ZNF202: variants seen among roughly 807,000 people sequenced by gnomAD.
The protein encoded by ZNF202 is zinc finger protein 202.
In ZNF202, 22 loss-of-function variants were observed where a neutral mutation model predicts 54.5. The observed-to-expected ratio is 0.40, with a 90% confidence interval of 0.29 to 0.58. The LOEUF is 0.58. ZNF202 is among the 20% of genes least tolerant of loss of function. The pLI, the probability that ZNF202 is intolerant of heterozygous loss-of-function variation, is 0.39. For missense variants in ZNF202, 644 were observed against 805.5 expected (o/e 0.80, Z 2.43); for synonymous variants, 294 against 301.4 (o/e 0.98, Z 0.26).
At chr11:123,736,808 T>A (rs1252863476) in intron 3 of ZNF202, among the ~76,000 whole-genome samples, 2 of 152,194 alleles carry the variant, frequency 1.3e-5, no homozygotes, top group East Asian at 3.9e-4. Flanking sequence ...CATGTGGTTG[T>A]TTTAAGGAGT....
At chr11:123,729,038 G>GT in intron 6 of ZNF202, 88 bp downstream of exon 6, 2 of 1,332,116 alleles carry the variant, frequency 1.5e-6, no homozygotes, top group South Asian at 2.5e-5. Context: ...GAGTGTAAAT[G>GT]TGCATCCTGC....
intron 8 of ZNF202, 62 bp from the exon 9 acceptor site, chr11:123,727,053 T>C: frequency 6.5e-7 from 1 of 1,530,558 alleles, no homozygotes; most frequent in East Asian, 2.3e-5. Flanking sequence ...TTCTACACAA[T>C]GGGGAGATTT....
chr11:123,727,136 T>C (rs558953132), intron 8 of ZNF202, 145 bp from the exon 9 acceptor site: 2 of 1,081,284 alleles, frequency 1.8e-6, no homozygotes, highest in African/African-American at 1.6e-5. Context: ...CATATTGTTA[T>C]GCTATCAACA....
Position 123,729,726 on chromosome 11 carries a change from T to C in ZNF202, c.502A>G (p.Ser168Gly), listed in dbSNP as rs201737925. The C allele has an allele frequency of 2.5e-6, 4 of 1,614,030 alleles. No individual in the cohort carries two copies. Residue 168 changes from serine (S) to glycine (G), a missense_variant, in exon 5 of 9, where the codon AGC (serine) becomes GGC (glycine). Physicochemically the swap from Ser to Gly is moderately conservative, Grantham distance 56. Transcript: ENST00000530393. ...SPNELQDPVQ[S>G]STPEQSPEET... ...TCAGGAGACTGCTCGGGGGTCGAGC[T>C]TTGCACAGGATCCTGCAGCTCATTA...
chr11:123,731,000 A>G lies in ZNF202; in HGVS notation c.-97-15T>C. 1 of 1,274,836 alleles carries G rather than the reference A, an allele frequency of 7.8e-7. No homozygotes were observed. The highest frequency in any genetic ancestry group is 1.1e-6 in the Non-Finnish European group (1 of 928,262). 79.0% of individuals were successfully genotyped at this position (1,274,836 alleles called of 1,614,324 possible). On this transcript the variant is annotated splice_polypyrimidine_tract_variant and intron_variant, in intron 3 of 8. Coordinates refer to ENST00000530393, the MANE Select transcript of ZNF202 (RefSeq NM_003455.4). The surrounding 1 kb of genome is among the most constrained non-coding windows in gnomAD (Gnocchi z 6.0). ...TTCCAAGGGCCCTGGATAGAGAAGT[A>G]AAGACAAACAAGAGTATAAGCATGA...
chr11:123,730,608 A>T lies in ZNF202; in HGVS notation c.281T>A (p.Phe94Tyr). 6.2e-7 allele frequency: 1 copy of T among 1,612,586 alleles called. No individual in the cohort carries two copies. Among genetic ancestry groups the T allele is most frequent in the Non-Finnish European group, 8.5e-7 (1 of 1,179,156 alleles). Reference protein sequence around the residue: ...QILELLVLEQFLTVLPGELQS... With the variant: ...QILELLVLEQYLTVLPGELQS... ...TAGTTCTCCAGGTAGGACGGTAAGA[A>T]ATTGTTCCAGCACAAGCAGCTCTAG... The change falls in exon 4 of 9, where the codon TTT becomes TAT. Residue 94 changes from phenylalanine to tyrosine, a missense_variant. Phe to Tyr is a conservative substitution (Grantham distance 22). Coordinates refer to ENST00000530393, the MANE Select transcript of ZNF202 (RefSeq NM_003455.4). The surrounding 1 kb of genome is among the most constrained non-coding windows in gnomAD (Gnocchi z 6.0).
In ZNF202 at chr11:123,728,184, A is replaced by G. The variant is rs1861238764; in HGVS notation, c.781T>C (p.Phe261Leu). ...TCTTCCAAGACATATTCTCCATAGA[A>G]CTCTTTCTGTGTTGGGTCCAGATCA... ...WSDLDPTQKEFYGEYVLEEDC... is the reference protein window; with the variant it reads ...WSDLDPTQKELYGEYVLEEDC... Residue 261 changes from phenylalanine (F) to leucine (L), a missense_variant, in exon 7 of 9, where the codon TTC becomes CTC. By Grantham distance (22) the Phe-to-Leu change is conservative. This residue lies in a region of ZNF202 where 536 missense variants were observed against 635.3 expected (regional missense o/e 0.84). Coordinates refer to ENST00000530393, the MANE Select transcript of ZNF202 (RefSeq NM_003455.4). 1 of 1,612,706 alleles carries G rather than the reference A, an allele frequency of 6.2e-7. No homozygotes were observed. Among genetic ancestry groups the G allele is most frequent in the Non-Finnish European group, 8.5e-7 (1 of 1,179,306 alleles).
intron 3 of ZNF202, among the ~76,000 whole-genome samples, 154 bp from the exon 4 acceptor site, chr11:123,731,139 T>A (rs1297881700): frequency 6.6e-6 from 1 of 152,224 alleles, no homozygotes; most frequent in Non-Finnish European, 1.5e-5. Flanking sequence ...ACAGATCCAG[T>A]TGGGAGAGGA....
intron 8 of ZNF202, 65 bp from the exon 9 acceptor site, chr11:123,727,056 G>A: frequency 6.5e-7 from 1 of 1,528,214 alleles, no homozygotes; most frequent in Non-Finnish European, 8.8e-7. Context: ...TACACAATGG[G>A]GAGATTTTTA....
chr11:123,730,492 G>A lies in ZNF202; in HGVS notation c.397C>T (p.Arg133Trp), dbSNP rs369977165. The change falls in exon 4 of 9, where the codon CGG becomes TGG. Residue 133 changes from arginine (R) to tryptophan (W), a missense_variant. Arg to Trp is a moderately radical substitution (Grantham distance 101, BLOSUM62 -3). Around this residue, in one of 3 missense-constraint regions of ZNF202, gnomAD observed 62 missense variants for 122.8 expected, o/e 0.50. Transcript: ENST00000530393. The surrounding 1 kb of genome is among the most constrained non-coding windows in gnomAD (Gnocchi z 6.0). ...GLQKQPRRPR[R>W]WVTVHVHGQE... ...TCAGGACTCCCCCTCCTCACCCACC[G>A]CCTTGGTCTCCTGGGTTGTTTCTGC... The A allele has an allele frequency of 2.0e-6, 3 of 1,521,990 alleles. No individual in the cohort carries two copies. Among genetic ancestry groups the A allele is most frequent in the African/African-American group, 1.4e-5 (1 of 71,876 alleles). The allele number at this position is 1,521,990 out of a possible 1,614,324, so 94.3% of individuals were successfully genotyped here. A position where few individuals can be genotyped will look rare whatever the true frequency, so the allele number is the denominator to read the frequency against.
At position 123,736,621 on chromosome 11, in the gene ZNF202, T is replaced by A. The variant is rs767417484; in HGVS notation, c.-98+3496A>T. ...TCCTTCTAATGGACATATTCTTTTATTCTTGATTGTCCTATATACAAGCGC... is the reference window on the plus strand; with the variant it reads ...TCCTTCTAATGGACATATTCTTTTAATCTTGATTGTCCTATATACAAGCGC... On this transcript the variant is annotated intron_variant, in intron 3 of 8. Transcript: ENST00000530393. 3.3e-5 allele frequency among the ~76,000 whole-genome samples: 5 copies of A among 152,218 alleles called. No homozygotes were observed. In the East Asian group the frequency reaches 5.8e-4, roughly 18 times the overall value.
intron 3 of ZNF202, among the ~76,000 whole-genome samples, chr11:123,731,948 C>CT (rs1278294986): frequency 1.1e-4 from 17 of 152,264 alleles, no homozygotes; most frequent in African/African-American, 3.9e-4. Context: ...CAGATCCTAC[C>CT]TTTTCCCTGT....
chr11:123,727,645 T>A, intron 7 of ZNF202, 50 bp from the exon 8 acceptor site: 1 of 1,610,626 alleles, frequency 6.2e-7, no homozygotes, highest in Non-Finnish European at 8.5e-7. Context: ...AACAATTCCC[T>A]GTGTTAAGAG....
intron 3 of ZNF202, among the ~76,000 whole-genome samples, chr11:123,738,241 G>A (rs1351478564): frequency 6.6e-6 from 1 of 152,110 alleles, no homozygotes; most frequent in Non-Finnish European, 1.5e-5. Context: ...AAATACCTGG[G>A]CTCAAGTGAT....
At chr11:123,729,967 G>T in intron 4 of ZNF202, 142 bp from the exon 5 acceptor site, 2 of 854,068 alleles carry the variant, frequency 2.3e-6, no homozygotes, top group Non-Finnish European at 3.5e-6. Flanking sequence ...AGTTTCAATG[G>T]AGCAGGCAAG....
At chr11:123,735,132 C>T (rs551743728) in intron 3 of ZNF202, among the ~76,000 whole-genome samples, 12 of 152,258 alleles carry the variant, frequency 7.9e-5, no homozygotes, top group South Asian at 6.2e-4. Flanking sequence ...GCTTTCCAAA[C>T]CCCACCCCAA....
chr11:123,728,076 C>T (rs1861232490), intron 7 of ZNF202, 57 bp downstream of exon 7: 2 of 1,567,114 alleles, frequency 1.3e-6, no homozygotes, highest in Admixed American at 1.8e-5. Flanking sequence ...CCCAAAATTT[C>T]CAGCAGGAAA....
At chr11:123,734,429 T>C (rs1253964406) in intron 3 of ZNF202, among the ~76,000 whole-genome samples, 1 of 152,216 alleles carries the variant, frequency 6.6e-6, no homozygotes, top group Non-Finnish European at 1.5e-5. Context: ...TTACTGTTCT[T>C]TCTTTTCTAT....
At chr11:123,727,041 C>T in intron 8 of ZNF202, 50 bp from the exon 9 acceptor site, 1 of 1,547,716 alleles carries the variant, frequency 6.5e-7, no homozygotes, top group Non-Finnish European at 8.7e-7. Flanking sequence ...GGCAACAATG[C>T]CTTCTACACA....
Sources: allele counts gnomAD v4.1 joint callset (sites outside exome capture counted in the v4.1 genomes callset), GRCh38; gene constraint gnomAD v4.1.1; regional missense constraint gnomAD v4.1.1; non-coding constraint Gnocchi (gnomAD v3.1); transcripts MANE v1.5; gene names NCBI Gene and HGNC (gene_info 2026-07-23, HGNC 2026-07-21).